Variants in SLIT3 observed in about 807,000 individuals in gnomAD.
SLIT3 encodes the protein slit homolog 3 protein.
In SLIT3, 68 loss-of-function variants were observed where a neutral mutation model predicts 184.0. That is an observed-to-expected ratio of 0.37 (90% CI 0.30 to 0.45). SLIT3 has a LOEUF of 0.45. Among genes scored for constraint, SLIT3 ranks in the 20% least tolerant of loss-of-function variants. The pLI is 1.00. For missense variants in SLIT3, 1,707 were observed against 2,026.0 expected, an observed-to-expected ratio of 0.84 and a Z score of 3.02; for synonymous variants, 831 against 828.6, an observed-to-expected ratio of 1.00 and a Z score of -0.05.
intron 4 of SLIT3, among the ~76,000 whole-genome samples, chr5:169,006,329 T>G (rs17734263): frequency 6.6e-6 from 1 of 152,264 alleles, no homozygotes; most frequent in South Asian, 2.1e-4. Context: ...GATGCGACAA[T>G]GAGAGAGTTG....
intron 4 of SLIT3, among the ~76,000 whole-genome samples, chr5:169,020,517 CTCAT>C (rs1756559605): frequency 6.6e-6 from 1 of 152,156 alleles, no homozygotes; most frequent in Non-Finnish European, 1.5e-5. Flanking sequence ...AAGCCACCTA[CTCAT>C]TAAGAAAAGC....
chr5:169,039,943 ATTG>A (rs922149801), intron 4 of SLIT3, among the ~76,000 whole-genome samples: 3 of 152,246 alleles, frequency 2.0e-5, no homozygotes, highest in African/African-American at 7.2e-5. Flanking sequence ...TTTGATTCAC[ATTG>A]TTGAGTCAGA....
chr5:168,796,616 G>T (rs1045327072), intron 9 of SLIT3, among the ~76,000 whole-genome samples: 4 of 152,166 alleles, frequency 2.6e-5, no homozygotes, highest in Non-Finnish European at 5.9e-5. Context: ...GGAGCAAAAG[G>T]GGTAGATGGG....
chr5:168,748,438 TGGAGAGCCCCAGAGAG>T lies in SLIT3; in HGVS notation c.2138-20_2138-5del. ...TGGCAGCTACTCTCCTCGTTGCCTG[TGGAGAGCCCCAGAGAG>T]GGTGAGGGTTGTGGGAGATAAGCCC... On this transcript the variant is annotated splice_region_variant and splice_polypyrimidine_tract_variant and intron_variant, in intron 19 of 35. Coordinates refer to ENST00000519560, the MANE Select transcript of SLIT3 (RefSeq NM_003062.4). 1 of 1,522,988 alleles carries T rather than the reference TGGAGAGCCCCAGAGAG, an allele frequency of 6.6e-7. No individual in the cohort carries two copies. 94.3% of individuals were successfully genotyped at this position (1,522,988 alleles called of 1,614,324 possible). A position where few individuals can be genotyped will look rare whatever the true frequency, so the allele number is the denominator to read the frequency against.
intron 4 of SLIT3, among the ~76,000 whole-genome samples, chr5:168,966,706 T>A (rs1763209120): frequency 6.6e-6 from 1 of 152,232 alleles, no homozygotes; most frequent in African/African-American, 2.4e-5. Flanking sequence ...ACTCCTCTTC[T>A]GTCTGGAGAG....
chr5:169,271,534 G>C (rs1766613569), intron 1 of SLIT3, among the ~76,000 whole-genome samples: 1 of 152,178 alleles, frequency 6.6e-6, no homozygotes, highest in Non-Finnish European at 1.5e-5. Flanking sequence ...ATTGCGAGGG[G>C]GTAGAGGGTT....
intron 4 of SLIT3, among the ~76,000 whole-genome samples, chr5:169,127,927 T>C (rs1444023601): frequency 1.3e-5 from 2 of 152,164 alleles, no homozygotes; most frequent in Non-Finnish European, 2.9e-5. Flanking sequence ...AATCCCACTT[T>C]GGGAATCTAA....
At chr5:169,202,091 A>C (rs1253110614) in intron 3 of SLIT3, among the ~76,000 whole-genome samples, 1 of 152,096 alleles carries the variant, frequency 6.6e-6, no homozygotes, top group Non-Finnish European at 1.5e-5. Context: ...GAATTAGCTG[A>C]GCATGGTGCC....
At chr5:169,069,916 T>G (rs1036545625) in intron 4 of SLIT3, among the ~76,000 whole-genome samples, 7 of 152,164 alleles carry the variant, frequency 4.6e-5, no homozygotes, top group Admixed American at 2.0e-4. Flanking sequence ...TCTTCAGATG[T>G]TAAGTGGAGT....
chr5:168,772,894 G>T lies in SLIT3; in HGVS notation c.1346C>A (p.Ala449Asp). ...GATGGGGTTGTCCTGGAGGTAGTCG[G>T]CCAGCCACTTCAAGTGGCAGTCGCA... The part of the protein sequence containing the change: ...FVCDCHLKWL[A>D]DYLQDNPIET... The change falls in exon 14 of 36, where the codon GCC (alanine) becomes GAC (aspartate). Residue 449 changes from alanine to aspartate, a missense_variant. Transcript: ENST00000519560. 1 of 1,611,804 alleles carries T rather than the reference G, an allele frequency of 6.2e-7. No homozygotes were observed. Among genetic ancestry groups the T allele is most frequent in the Non-Finnish European group, 8.5e-7 (1 of 1,179,452 alleles).
rs1423489113 is a variant in SLIT3 at position 169,107,053 on chromosome 5, T to A, written c.413+86426A>T. Reference sequence around the variant, plus strand: ...GCCGCCTGCCCTGTGCAGGAAATGGTCGCTGCTGGGCGTCCTTGCAGCCAC... The same window carrying A: ...GCCGCCTGCCCTGTGCAGGAAATGGACGCTGCTGGGCGTCCTTGCAGCCAC... On this transcript the variant is annotated intron_variant, in intron 4 of 35. Transcript: ENST00000519560. Among the ~76,000 whole-genome samples the A allele has an allele frequency of 2.0e-5, 3 of 152,224 alleles. No individual in the cohort carries two copies. The East Asian group carries it at 5.8e-4, about 29-fold the overall frequency.
chr5:168,684,116 C>T lies in SLIT3; in HGVS notation c.3556-20G>A, dbSNP rs372769528. ...GGCCACCTGGAGAAAGCAGCCGGGG[C>T]GTGTTAGTAAGGGCTTACCTGAGAC... On this transcript the variant is annotated intron_variant, in intron 31 of 35. Transcript: ENST00000519560. 115 of 1,563,944 alleles carry T rather than the reference C, an allele frequency of 7.4e-5. No homozygotes were observed. The African/African-American group carries it at 1.2e-3, about 17-fold the overall frequency.
At chr5:169,063,612 T>A (rs558013450) in intron 4 of SLIT3, among the ~76,000 whole-genome samples, 34 of 152,304 alleles carry the variant, frequency 2.2e-4, no homozygotes, top group Admixed American at 1.9e-3. Context: ...CCCGTGTGCG[T>A]GAGTGAGAAA....
At chr5:169,008,071 C>G (rs1424807802) in intron 4 of SLIT3, among the ~76,000 whole-genome samples, 1 of 152,162 alleles carries the variant, frequency 6.6e-6, no homozygotes. Flanking sequence ...AGATAGACTC[C>G]CAGCTCTATG....
At chr5:168,705,779 C>A (rs1406046604) in intron 26 of SLIT3, among the ~76,000 whole-genome samples, 2 of 152,198 alleles carry the variant, frequency 1.3e-5, no homozygotes, top group Non-Finnish European at 2.9e-5. Flanking sequence ...TCAAGTGTAG[C>A]TGGAAGAAGC....
intron 4 of SLIT3, among the ~76,000 whole-genome samples, chr5:168,974,699 CTT>C (rs1239929743): frequency 6.6e-6 from 1 of 152,182 alleles, no homozygotes; most frequent in Non-Finnish European, 1.5e-5. Flanking sequence ...AATGTGGTCA[CTT>C]CTCTCTTTAG....
At chr5:169,047,584 C>A (rs1381157116) in intron 4 of SLIT3, among the ~76,000 whole-genome samples, 1 of 151,474 alleles carries the variant, frequency 6.6e-6, no homozygotes, top group African/African-American at 2.4e-5. Context: ...ATGGAGCCTA[C>A]CCTTCCATCT....
chr5:169,108,566 G>C (rs1760300068), intron 4 of SLIT3, among the ~76,000 whole-genome samples: 1 of 152,310 alleles, frequency 6.6e-6, no homozygotes, highest in African/African-American at 2.4e-5. Flanking sequence ...TTGGCAGCTA[G>C]AGATGACTGG....
chr5:168,690,321 G>C (rs1183501260), intron 29 of SLIT3, among the ~76,000 whole-genome samples: 1 of 152,092 alleles, frequency 6.6e-6, no homozygotes, highest in Non-Finnish European at 1.5e-5. Flanking sequence ...TTTCAGTAGA[G>C]ACGGGGTTTC....
Sources: gnomAD v4.1 joint callset for allele counts (sites outside exome capture counted in the v4.1 genomes callset) on GRCh38, gnomAD v4.1.1 for gene constraint, MANE v1.5 for transcripts, NCBI Gene and HGNC (gene_info 2026-07-23, HGNC 2026-07-21) for gene names.